TBC1D5: variants seen among roughly 807,000 people sequenced by gnomAD.
TBC1D5 encodes TBC1 domain family, member 5.
Under a neutral mutation model 100.3 loss-of-function variants are expected in TBC1D5, and 75 were observed. The ratio of observed to expected loss-of-function variants is 0.75; its 90% CI spans 0.62 to 0.91. The LOEUF is 0.91. Among genes scored for constraint, TBC1D5 ranks in the 40% least tolerant of loss-of-function variants. TBC1D5 has a pLI of 0.00. For missense variants in TBC1D5, 910 were observed against 942.4 expected (o/e 0.97, Z 0.45); for synonymous variants, 323 against 325.6 (o/e 0.99, Z 0.09).
intron 1 of TBC1D5, among the ~76,000 whole-genome samples, chr3:17,705,077 G>A (rs2073873705): frequency 2.3e-5 from 3 of 130,352 alleles, no homozygotes; most frequent in African/African-American, 5.6e-5. Context: ...CCTCCCGGAC[G>A]GCACGGCTGG....
rs1324480561 is a variant in TBC1D5, at chr3:17,667,964, C to A, written c.-100-44051G>T. On this transcript the variant is annotated intron_variant, in intron 1 of 21. Transcript: ENST00000253692. ...CGCATTTAATAAAACCATAAACAAC[C>A]ACTGACTTTTATTTCAAACAGGTCC... 4.6e-5 allele frequency among the ~76,000 whole-genome samples: 7 copies of A among 151,518 alleles called. No individual in the cohort carries two copies. The South Asian group carries it at 1.5e-3, about 32-fold the overall frequency.
intron 2 of TBC1D5, among the ~76,000 whole-genome samples, chr3:17,551,070 G>T (rs1235834721): frequency 6.6e-6 from 1 of 152,066 alleles, no homozygotes; most frequent in Non-Finnish European, 1.5e-5. Flanking sequence ...GTGTGTGTAT[G>T]TGTGTGTATT....
chr3:17,344,529 C>T (rs202165123), intron 13 of TBC1D5, among the ~76,000 whole-genome samples: 13,547 of 151,690 alleles, frequency 0.089, 1,380 homozygotes, highest in African/African-American at 0.25. Context: ...CCCCATCAAG[C>T]TACCAATGAC....
chr3:17,621,694 G>C (rs2062671865), intron 2 of TBC1D5, among the ~76,000 whole-genome samples: 1 of 148,498 alleles, frequency 6.7e-6, no homozygotes. Flanking sequence ...CCATGATATA[G>C]TATTCTCGCT....
At chr3:17,613,027 C>T (rs893127491) in intron 2 of TBC1D5, among the ~76,000 whole-genome samples, 13 of 151,976 alleles carry the variant, frequency 8.6e-5, no homozygotes, top group African/African-American at 2.9e-4. Flanking sequence ...TAATGATATC[C>T]CTTCCCCAAC....
intron 13 of TBC1D5, among the ~76,000 whole-genome samples, chr3:17,367,917 T>A (rs113156748): frequency 1.3e-5 from 2 of 152,014 alleles, no homozygotes; most frequent in African/African-American, 4.8e-5. Flanking sequence ...AGAAACTTCA[T>A]TCTATGTGCA....
intron 9 of TBC1D5, among the ~76,000 whole-genome samples, chr3:17,379,462 C>T (rs1393530950): frequency 1.3e-5 from 2 of 152,028 alleles, no homozygotes; most frequent in African/African-American, 2.4e-5. Flanking sequence ...TTCTGTTACA[C>T]CACTCTGTCT....
intron 1 of TBC1D5, among the ~76,000 whole-genome samples, chr3:17,709,143 C>T (rs2074456791): frequency 6.6e-6 from 1 of 152,094 alleles, no homozygotes; most frequent in Non-Finnish European, 1.5e-5. Flanking sequence ...ACTTGGTCCA[C>T]ATTTCTTAAT....
intron 3 of TBC1D5, among the ~76,000 whole-genome samples, chr3:17,435,692 A>C (rs2094522560): frequency 1.3e-5 from 2 of 152,164 alleles, no homozygotes; most frequent in Admixed American, 6.5e-5. Context: ...AAATCATATC[A>C]CTCACAGATG....
chr3:17,212,405 G>A (rs994915351), intron 18 of TBC1D5, among the ~76,000 whole-genome samples: 3 of 151,962 alleles, frequency 2.0e-5, no homozygotes, highest in Non-Finnish European at 2.9e-5. Flanking sequence ...ATACAATTAT[G>A]TACAGTGAAT....
chr3:17,676,834 C>T (rs1454015709), intron 1 of TBC1D5, among the ~76,000 whole-genome samples: 1 of 152,128 alleles, frequency 6.6e-6, no homozygotes, highest in Non-Finnish European at 1.5e-5. Context: ...ACAGAGGCCT[C>T]AGAAATAATA....
chr3:17,216,032 C>G (rs1391353544), intron 17 of TBC1D5, among the ~76,000 whole-genome samples: 1 of 152,022 alleles, frequency 6.6e-6, no homozygotes, highest in Non-Finnish European at 1.5e-5. Context: ...AATGATAAAC[C>G]AAGAATGCTA....
chr3:17,381,041 A>T (rs981509354), intron 9 of TBC1D5, among the ~76,000 whole-genome samples: 2 of 152,096 alleles, frequency 1.3e-5, no homozygotes, highest in Admixed American at 6.6e-5. Flanking sequence ...ATTTTTCTGT[A>T]AAAAATCTAT....
At chr3:17,174,769 T>G (rs1355939776) in intron 19 of TBC1D5, among the ~76,000 whole-genome samples, 1 of 152,146 alleles carries the variant, frequency 6.6e-6, no homozygotes, top group Non-Finnish European at 1.5e-5. Flanking sequence ...AATTTTTGTA[T>G]TTTTAGTAGA....
intron 8 of TBC1D5, among the ~76,000 whole-genome samples, chr3:17,386,486 C>T (rs529232310): frequency 2.1e-4 from 32 of 152,042 alleles, no homozygotes; most frequent in Non-Finnish European, 3.1e-4. Flanking sequence ...TTAAGTTCAG[C>T]CTAAAGGTTT....
chr3:17,482,416 T>C (rs2150346607), intron 3 of TBC1D5, among the ~76,000 whole-genome samples: 1 of 152,272 alleles, frequency 6.6e-6, no homozygotes, highest in African/African-American at 2.4e-5. Flanking sequence ...TATCAAGAAA[T>C]GTTGAAAGAG....
chr3:17,639,410 G>A (rs1197944856), intron 1 of TBC1D5, among the ~76,000 whole-genome samples: 2 of 151,726 alleles, frequency 1.3e-5, no homozygotes, highest in Admixed American at 1.3e-4. Flanking sequence ...AGAAATCACA[G>A]TGGAGGAATG....
intron 18 of TBC1D5, among the ~76,000 whole-genome samples, chr3:17,204,552 T>G (rs974469644): frequency 6.6e-6 from 1 of 152,158 alleles, no homozygotes; most frequent in African/African-American, 2.4e-5. Flanking sequence ...TCAGCATGGG[T>G]ACAATCTGGC....
intron 1 of TBC1D5, among the ~76,000 whole-genome samples, chr3:17,676,201 A>C: frequency 6.6e-6 from 1 of 152,176 alleles, no homozygotes; most frequent in East Asian, 1.9e-4. Flanking sequence ...ATAAGAAATA[A>C]TTTCAATCCT....
Sources: gnomAD v4.1 joint callset for allele counts (sites outside exome capture counted in the v4.1 genomes callset) on GRCh38, gnomAD v4.1.1 for gene constraint, MANE v1.5 for transcripts, NCBI Gene and HGNC (gene_info 2026-07-23, HGNC 2026-07-21) for gene names.